TSNARE1: variants seen among roughly 807,000 people sequenced by gnomAD.
TSNARE1 encodes the protein t-SNARE domain containing 1.
TSNARE1 carries 49 observed loss-of-function variants against 62.0 expected under a neutral mutation model. The observed-to-expected ratio is 0.79, with a 90% CI of 0.63 to 1.00. The LOEUF (loss-of-function observed/expected upper bound fraction) is 1.00, where lower values mean the gene tolerates loss of function less well. TSNARE1 is among the 50% of genes least tolerant of loss of function. The pLI, the probability that TSNARE1 is intolerant of heterozygous loss-of-function variation, is 0.00. For missense variants in TSNARE1, 755 were observed against 700.1 expected (o/e 1.08, Z -0.88); for synonymous variants, 328 against 294.4 (o/e 1.11, Z -1.17).
chr8:142,266,867 C>A (rs1819160230), intron 12 of TSNARE1, among the ~76,000 whole-genome samples: 1 of 152,156 alleles, frequency 6.6e-6, no homozygotes, highest in South Asian at 2.1e-4. Context: ...GTCGTAGTTT[C>A]TATTTTCTTA....
intron 6 of TSNARE1, chr8:142,326,218 C>T: frequency 6.2e-6 from 1 of 160,782 alleles, no homozygotes; most frequent in Non-Finnish European, 1.3e-5. Context: ...AAGGGGAGGG[C>T]CCTGGAGAGC....
intron 12 of TSNARE1, chr8:142,273,712 C>A: frequency 1.0e-5 from 10 of 985,356 alleles, no homozygotes; most frequent in Non-Finnish European, 1.2e-5. Context: ...TGGGGGTGCC[C>A]GGGCTGGGTC....
chr8:142,388,698 C>T (rs186073604), intron 1 of TSNARE1, among the ~76,000 whole-genome samples: 2 of 151,934 alleles, frequency 1.3e-5, no homozygotes, highest in Admixed American at 1.3e-4. Flanking sequence ...GCTGGGATTA[C>T]AGGCACACGC....
At chr8:142,344,551 G>A (rs10110836) in intron 3 of TSNARE1, 79 bp from the exon 4 acceptor site, 271,234 of 1,373,200 alleles carry the variant, frequency 0.2, 30,986 homozygotes, top group African/African-American at 0.51. Flanking sequence ...TCCCTACGGC[G>A]CCTCCTCTCT....
chr8:142,349,582 G>A (rs1833827187), intron 2 of TSNARE1, among the ~76,000 whole-genome samples: 1 of 152,216 alleles, frequency 6.6e-6, no homozygotes, highest in Non-Finnish European at 1.5e-5. Flanking sequence ...TATCTCTGCA[G>A]AGACCTGTGG....
At chr8:142,218,659 G>A (rs367799911) in intron 13 of TSNARE1, among the ~76,000 whole-genome samples, 31 of 152,272 alleles carry the variant, frequency 2.0e-4, no homozygotes, top group East Asian at 3.9e-4. Context: ...GCCGACACCC[G>A]ACACACTCAG....
At chr8:142,346,118 A>T (rs2130444002) in intron 2 of TSNARE1, among the ~76,000 whole-genome samples, 1 of 152,366 alleles carries the variant, frequency 6.6e-6, no homozygotes, top group East Asian at 1.9e-4. Flanking sequence ...TCTCTGAACC[A>T]GTTCTGAAAT....
intron 1 of TSNARE1, among the ~76,000 whole-genome samples, chr8:142,355,478 GC>G (rs1834651511): frequency 1.3e-5 from 2 of 152,298 alleles, no homozygotes; most frequent in African/African-American, 4.8e-5. Flanking sequence ...TGGGGCACCG[GC>G]CGTCCCTGGA....
At chr8:142,276,578 C>T (rs2130659143) in intron 11 of TSNARE1, 1 of 985,420 alleles carries the variant, frequency 1.0e-6, no homozygotes, top group African/African-American at 1.7e-5. Context: ...TGGGCTAACA[C>T]AGGTGGTGCT....
chr8:142,318,996 A>G (rs1270092653), intron 6 of TSNARE1, among the ~76,000 whole-genome samples: 1 of 151,552 alleles, frequency 6.6e-6, no homozygotes, highest in Non-Finnish European at 1.5e-5. Context: ...ACACCCAGCA[A>G]GAGACGGGGG....
chr8:142,326,119 C>G, intron 6 of TSNARE1: 1 of 179,930 alleles, frequency 5.6e-6, no homozygotes, highest in South Asian at 8.4e-5. Context: ...AGGGGAGGGC[C>G]CCGGAGACCA....
rs764309538 is a variant in TSNARE1, at chr8:142,318,561, G to A, written c.967C>T (p.Leu323=). Reference sequence around the variant, plus strand: ...GAACATACCGGGCAGGAGCTGCGCAGCAGCTCGGCCATCTGCTTCACGGAG... The same window carrying A: ...GAACATACCGGGCAGGAGCTGCGCAACAGCTCGGCCATCTGCTTCACGGAG... ...ASSVKQMAEL[L]RSSCPQERLQ... Residue 323 remains leucine, a synonymous_variant, in exon 7 of 14, where the codon CTG becomes TTG. Coordinates refer to ENST00000524325, the MANE Select transcript of TSNARE1 (RefSeq NM_145003.5). 2 of 1,613,326 alleles carry A rather than the reference G, an allele frequency of 1.2e-6. No individual in the cohort carries two copies. Among genetic ancestry groups the A allele is most frequent in the East Asian group, 4.5e-5 (2 of 44,848 alleles).
intron 7 of TSNARE1, among the ~76,000 whole-genome samples, chr8:142,317,489 G>A (rs1212948675): frequency 6.6e-6 from 1 of 152,216 alleles, no homozygotes; most frequent in African/African-American, 2.4e-5. Flanking sequence ...TACAGCCAGA[G>A]TCTCACACTG....
intron 13 of TSNARE1, 134 bp downstream of exon 13, chr8:142,229,339 G>A (rs568971129): frequency 2.5e-4 from 181 of 718,740 alleles, no homozygotes; most frequent in African/African-American, 2.1e-3. Flanking sequence ...ACAGATGGAC[G>A]GTAGACAGGT....
intron 1 of TSNARE1, among the ~76,000 whole-genome samples, chr8:142,399,047 C>T (rs1422202237): frequency 6.6e-6 from 1 of 152,162 alleles, no homozygotes; most frequent in African/African-American, 2.4e-5. Flanking sequence ...CAGGACACCC[C>T]GAAGCAAGGC....
chr8:142,372,957 G>A (rs1322534807), intron 1 of TSNARE1, among the ~76,000 whole-genome samples: 1 of 152,112 alleles, frequency 6.6e-6, no homozygotes, highest in Non-Finnish European at 1.5e-5. Context: ...GTGGCCTCTT[G>A]GCCAAGCCCC....
upstream of TSNARE1, chr8:142,405,863 A>C (rs980311966): frequency 1.3e-5 from 2 of 152,516 alleles, no homozygotes; most frequent in Non-Finnish European, 1.5e-5. Context: ...TCAGTCCTTG[A>C]TTCCTGCACC....
At chr8:142,304,335 TG>T (rs1826301247) in intron 9 of TSNARE1, among the ~76,000 whole-genome samples, 1 of 152,196 alleles carries the variant, frequency 6.6e-6, no homozygotes, top group Admixed American at 6.5e-5. Flanking sequence ...AGAAAGAGCC[TG>T]GGCTCAGGTT....
chr8:142,277,293 C>T (rs1260631348), intron 11 of TSNARE1: 1 of 985,230 alleles, frequency 1.0e-6, no homozygotes, highest in Non-Finnish European at 1.2e-6. Flanking sequence ...AGAGAGCAGC[C>T]TTTGGGACCG....
Sources: allele counts gnomAD v4.1 joint callset (sites outside exome capture counted in the v4.1 genomes callset), GRCh38; gene constraint gnomAD v4.1.1; transcripts MANE v1.5; gene names NCBI Gene and HGNC (gene_info 2026-07-23, HGNC 2026-07-21).